The following HOXB3 variants were observed in gnomAD, a reference collection of about 807,000 sequenced individuals.
HOXB3 encodes homeobox B3, also known as homeobox protein Hox-B3.
Under a neutral mutation model 29.2 loss-of-function variants are expected in HOXB3, and 17 were observed. That is an observed-to-expected ratio of 0.58 (90% CI 0.40 to 0.87). HOXB3 has a LOEUF of 0.87. Among genes scored for constraint, HOXB3 ranks in the 40% least tolerant of loss-of-function variants. The pLI, the probability that HOXB3 is intolerant of heterozygous loss-of-function variation, is 0.00. For synonymous variants in HOXB3, 317 were observed against 285.9 expected (o/e 1.11, Z -1.10); for missense variants, 637 against 616.3 (o/e 1.03, Z -0.35).
In HOXB3 at chr17:48,549,825, A is replaced by C. The variant is rs1350526318; in HGVS notation, c.*509T>G. 1.2e-5 allele frequency: 2 copies of C among 160,956 alleles called. No homozygotes were observed. The highest frequency in any genetic ancestry group is 5.7e-5 in the Admixed American group (1 of 17,572). 10.0% of individuals were successfully genotyped at this position (160,956 alleles called of 1,614,324 possible). A position where few individuals can be genotyped will look rare whatever the true frequency, so the allele number is the denominator to read the frequency against. ...ATGGGAACAAATTTGAGGTTTTGGG[A>C]AAGTTGGAAGGGAACGTGTTTTGTG... On this transcript the variant is annotated 3_prime_UTR_variant, in exon 5 of 5. Transcript: ENST00000498678.
At position 48,573,999 on chromosome 17, in the gene HOXB3, G is replaced by T. The variant is rs929054731; in HGVS notation, c.-409C>A. 8 of 649,432 alleles carry T rather than the reference G, an allele frequency of 1.2e-5. No individual in the cohort carries two copies. The African/African-American group carries it at 1.5e-4, about 12-fold the overall frequency. 40.2% of individuals were successfully genotyped at this position (649,432 alleles called of 1,614,324 possible). On this transcript the variant is annotated 5_prime_UTR_variant, in exon 2 of 5. Transcript: ENST00000498678. Reference sequence around the variant, plus strand: ...CTAACACTTTTTTCCCCCAACAGCCGGTCCAAGGAGATTTGCTGTTGAATA... The same window carrying T: ...CTAACACTTTTTTCCCCCAACAGCCTGTCCAAGGAGATTTGCTGTTGAATA...
intron 2 of HOXB3, among the ~76,000 whole-genome samples, chr17:48,569,470 G>A (rs1252155890): frequency 6.6e-6 from 1 of 151,696 alleles, no homozygotes; most frequent in Non-Finnish European, 1.5e-5. Flanking sequence ...AGTTCGTGGA[G>A]GTGCAGAAAT....
In HOXB3 at chr17:48,560,942, G is replaced by A. The variant is rs146437024; in HGVS notation, c.-246-5324C>T. Among the ~76,000 whole-genome samples the A allele has an allele frequency of 4.0e-3, 616 of 152,290 alleles. 5 individuals carry two copies. The Middle Eastern group carries it at 0.051, about 13-fold the overall frequency. Reference sequence around the variant, plus strand: ...CACCTTAAAAACCACACTCTGTTGGGAGGCCGAGGCAGGCGATCACCTGAG... The same window carrying A: ...CACCTTAAAAACCACACTCTGTTGGAAGGCCGAGGCAGGCGATCACCTGAG... On this transcript the variant is annotated intron_variant, in intron 2 of 4. Transcript: ENST00000498678.
chr17:48,557,085 G>C (rs1490430969), intron 2 of HOXB3: 1 of 152,406 alleles, frequency 6.6e-6, no homozygotes, highest in Non-Finnish European at 1.5e-5. Flanking sequence ...TTGGGACAGG[G>C]GGTGGGGAAT....
intron 2 of HOXB3, chr17:48,556,473 C>T (rs914136938): frequency 1.3e-5 from 2 of 151,712 alleles, no homozygotes; most frequent in African/African-American, 2.4e-5. Context: ...CTCCACTACA[C>T]CCTCTCTATT....
chr17:48,552,288 G>T lies in HOXB3; in HGVS notation c.187C>A (p.His63Asn). 6.2e-7 allele frequency: 1 copy of T among 1,614,034 alleles called. No individual in the cohort carries two copies. The highest frequency in any genetic ancestry group is 8.5e-7 in the Non-Finnish European group (1 of 1,179,974). ...CCGTTGAGCTCCTTGCTCTTGGCAT[G>T]TGGGGCAGCGTTGCCCAGGGACTGC... is the stretch of plus-strand genomic sequence containing the variant. ...SLQSLGNAAP[H>N]AKSKELNGSC... Residue 63 changes from histidine (H) to asparagine (N), a missense_variant, in exon 4 of 5, where the codon CAT becomes AAT. Coordinates refer to ENST00000498678, the MANE Select transcript of HOXB3 (RefSeq NM_001384749.1).
rs1597812307 is a variant in HOXB3, at chr17:48,552,583, C to A, written c.-109G>T. ...CGTGACACGCCGGACCCCCCCCCCC[C>A]ACCTCCCCTCTCTGCCCCCCTCCTC... On this transcript the variant is annotated 5_prime_UTR_variant, in exon 4 of 5. Coordinates refer to ENST00000498678, the MANE Select transcript of HOXB3 (RefSeq NM_001384749.1). 1.9e-5 allele frequency: 14 copies of A among 747,356 alleles called. No homozygotes were observed. Among genetic ancestry groups the A allele is most frequent in the South Asian group, 1.4e-4 (7 of 50,946 alleles). 46.3% of individuals were successfully genotyped at this position (747,356 alleles called of 1,614,324 possible). A position where few individuals can be genotyped will look rare whatever the true frequency, so the allele number is the denominator to read the frequency against.
In HOXB3 at chr17:48,550,284, A is replaced by G. The variant is rs1361317902; in HGVS notation, c.*50T>C. ...CCTCCAGGTTGCCCCCCAGAGCTCCACAGTCTCTCTCTTCCTCCCCATCCC... is the reference window on the plus strand; with the variant it reads ...CCTCCAGGTTGCCCCCCAGAGCTCCGCAGTCTCTCTCTTCCTCCCCATCCC... On this transcript the variant is annotated 3_prime_UTR_variant, in exon 5 of 5. Transcript: ENST00000498678. 3 of 1,610,582 alleles carry G rather than the reference A, an allele frequency of 1.9e-6. No individual in the cohort carries two copies. Among genetic ancestry groups the G allele is most frequent in the South Asian group, 2.2e-5 (2 of 90,670 alleles).
chr17:48,583,586 T>C (rs1480205389), intron 1 of HOXB3, among the ~76,000 whole-genome samples: 3 of 151,888 alleles, frequency 2.0e-5, no homozygotes, highest in Non-Finnish European at 2.9e-5. Context: ...TACGGAGAGG[T>C]CAAGAAAGAA....
intron 1 of HOXB3, chr17:48,576,904 T>C: frequency 6.2e-7 from 1 of 1,614,220 alleles, no homozygotes; most frequent in Non-Finnish European, 8.5e-7. Context: ...ATCTCCACCC[T>C]CCGGCGCCGT....
intron 2 of HOXB3, among the ~76,000 whole-genome samples, chr17:48,561,264 A>G (rs2069189455): frequency 6.6e-6 from 1 of 151,104 alleles, no homozygotes; most frequent in Non-Finnish European, 1.5e-5. Flanking sequence ...CCTGGCAGGG[A>G]AAGACTCTTG....
chr17:48,552,423 A>G lies in HOXB3; in HGVS notation c.52T>C (p.Tyr18His). The G allele has an allele frequency of 6.2e-7, 1 of 1,605,166 alleles. No homozygotes were observed. The highest frequency in any genetic ancestry group is 1.1e-5 in the South Asian group (1 of 90,128). ...DNAAAALFGG[Y>H]SSYPGSNGFG... ...CCATTGCTGCCAGGGTACGAGGAAT[A>G]GCCTCCGAAGAGAGCAGCCGCGGCG... is the stretch of plus-strand genomic sequence containing the variant. The change falls in exon 4 of 5, where the codon TAT (tyrosine) becomes CAT (histidine). Residue 18 changes from tyrosine (Y) to histidine (H), a missense_variant. Tyr to His is a moderately conservative substitution (Grantham distance 83, BLOSUM62 2). Coordinates refer to ENST00000498678, the MANE Select transcript of HOXB3 (RefSeq NM_001384749.1).
intron 2 of HOXB3, among the ~76,000 whole-genome samples, chr17:48,563,672 G>A (rs2069279975): frequency 2.6e-5 from 4 of 152,200 alleles, no homozygotes; most frequent in South Asian, 2.1e-4. Context: ...TTCCAGAGCA[G>A]GCAGGAGTAA....
chr17:48,576,849 A>G, intron 1 of HOXB3: 3 of 1,614,204 alleles, frequency 1.9e-6, no homozygotes, highest in Non-Finnish European at 2.5e-6. Context: ...CCGGTTCTGG[A>G]ACCAGATCTT....
chr17:48,564,566 G>A (rs1004157174), intron 2 of HOXB3, among the ~76,000 whole-genome samples: 12 of 152,248 alleles, frequency 7.9e-5, no homozygotes, highest in African/African-American at 2.4e-4. Context: ...CGGGAACCCC[G>A]GGCTCGTCTG....
chr17:48,575,302 C>T (rs1291476275), intron 1 of HOXB3: 2 of 152,140 alleles, frequency 1.3e-5, no homozygotes, highest in Admixed American at 1.3e-4. Context: ...ATTAAAAGCC[C>T]CAAAACAAAA....
At chr17:48,576,700 G>T (rs1440639865) in intron 1 of HOXB3, 1 of 1,487,360 alleles carries the variant, frequency 6.7e-7, no homozygotes, top group Non-Finnish European at 9.0e-7. Flanking sequence ...CCCGAGGTTC[G>T]TGGCTCCCGC....
chr17:48,584,303 G>C (rs2070005180), intron 1 of HOXB3, among the ~76,000 whole-genome samples: 1 of 152,214 alleles, frequency 6.6e-6, no homozygotes, highest in African/African-American at 2.4e-5. Flanking sequence ...GAATTAACAA[G>C]CTAATCTTTC....
chr17:48,576,650 T>TGCCCCCCC, intron 1 of HOXB3: 1 of 567,770 alleles, frequency 1.8e-6, no homozygotes, highest in African/African-American at 2.0e-5. Context: ...CCCCCTCCTG[T>TGCCCCCCC]CCCCCCACCC....
Sources: gnomAD v4.1 joint callset for allele counts (sites outside exome capture counted in the v4.1 genomes callset) on GRCh38, gnomAD v4.1.1 for gene constraint, MANE v1.5 for transcripts, NCBI Gene and HGNC (gene_info 2026-07-23, HGNC 2026-07-21) for gene names.